The following PLXNA4 variants were observed in gnomAD, a reference collection of about 807,000 sequenced individuals.
PLXNA4 encodes plexin-A4.
PLXNA4 carries 44 observed loss-of-function variants against 191.8 expected under a neutral mutation model. The ratio of observed to expected loss-of-function variants is 0.23; its 90% CI spans 0.18 to 0.29. The LOEUF (loss-of-function observed/expected upper bound fraction) is 0.29. PLXNA4 is among the 10% of genes least tolerant of loss of function. The probability of loss-of-function intolerance (pLI) is 1.00; values close to 1 mark genes in which losing one functional copy is unlikely to be tolerated. For synonymous variants in PLXNA4, 1,082 were observed against 1,009.5 expected (o/e 1.07, Z -1.36); for missense variants, 1,800 against 2,488.8 (o/e 0.72, Z 5.89).
At chr7:132,166,648 C>G (rs902753770) in intron 22 of PLXNA4, among the ~76,000 whole-genome samples, 3 of 151,100 alleles carry the variant, frequency 2.0e-5, no homozygotes, top group Non-Finnish European at 1.5e-5. Context: ...CAGCCGGGGG[C>G]AAGAAGAAGA....
Position 132,203,430 on chromosome 7 carries a change from G to A in PLXNA4, c.2299-11C>T. ...CCCTTCATAGGAATACTGCAGCCAG[G>A]TCGGGGAGGAGGAAAGAAGAAAGTG... On this transcript the variant is annotated splice_polypyrimidine_tract_variant and intron_variant, in intron 10 of 31. Transcript: ENST00000321063. 2.5e-6 allele frequency: 4 copies of A among 1,612,770 alleles called. No homozygotes were observed. The highest frequency in any genetic ancestry group is 3.4e-6 in the Non-Finnish European group (4 of 1,178,752).
intron 3 of PLXNA4, among the ~76,000 whole-genome samples, chr7:132,304,747 T>C (rs1801442929): frequency 6.6e-6 from 1 of 152,144 alleles, no homozygotes; most frequent in Non-Finnish European, 1.5e-5. Flanking sequence ...CCCGGAGGCA[T>C]GCTCCATTGA....
At chr7:132,367,495 G>A (rs1160124032) in intron 3 of PLXNA4, 2 of 152,180 alleles carry the variant, frequency 1.3e-5, no homozygotes. Context: ...AGAAAGGGGG[G>A]GTGAAGGTAT....
chr7:132,177,082 CATGAGTGTATGTCA>C (rs999040180), intron 20 of PLXNA4, among the ~76,000 whole-genome samples: 12 of 150,910 alleles, frequency 8.0e-5, no homozygotes, highest in Non-Finnish European at 1.5e-4. Context: ...CGTGTGAGCA[CATGAGTGTATGTCA>C]GTGAGTGTAT....
chr7:132,134,752 C>T (rs78142619), intron 30 of PLXNA4, among the ~76,000 whole-genome samples: 4,376 of 152,258 alleles, frequency 0.029, 90 homozygotes, highest in East Asian at 0.06. Flanking sequence ...TCAGACAGGC[C>T]GCCCTGCCCC....
intron 2 of PLXNA4, among the ~76,000 whole-genome samples, chr7:132,638,978 C>A (rs1359698509): frequency 6.6e-6 from 1 of 152,164 alleles, no homozygotes; most frequent in Non-Finnish European, 1.5e-5. Flanking sequence ...AGGAATTACA[C>A]CCACGTGTCC....
At position 132,627,139 on chromosome 7, in the gene PLXNA4, A is replaced by G. The variant is rs112813664; in HGVS notation, c.-87+18789T>C. Among the ~76,000 whole-genome samples the G allele has an allele frequency of 3.5e-3, 537 of 152,330 alleles. 2 individuals are homozygous for G. The highest frequency in any genetic ancestry group is 0.023 in the South Asian group (111 of 4,824). ...GAAGTACTACAGTTTATGAAACCAT[A>G]TATAACTCATGGCTCATAAAGAAGA... On this transcript the variant is annotated intron_variant, in intron 2 of 4. Coordinates refer to the PLXNA4 transcript ENST00000378539.
At chr7:132,580,812 C>G (rs1021003799), upstream of PLXNA4, among the ~76,000 whole-genome samples, 1 of 152,216 alleles carries the variant, frequency 6.6e-6, no homozygotes, top group African/African-American at 2.4e-5. Flanking sequence ...CCCCCAAGAG[C>G]TGCCCCCATG....
Position 132,185,349 on chromosome 7 carries a change from A to G in PLXNA4, c.3108T>C (p.Tyr1036=), listed in dbSNP as rs3734980. 0.023 allele frequency: 37,854 copies of G among 1,613,976 alleles called. 3,173 individuals carry two copies. The highest frequency in any genetic ancestry group is 0.2 in the Admixed American group (11,765 of 60,008). The change falls in exon 16 of 32, where the codon TAT becomes TAC. Residue 1036 remains tyrosine (Y), a synonymous_variant. Transcript: ENST00000321063. ...AKIHQDLVFQ[Y]VEDPTIVRIE... ...TCCGCACGATGGTGGGGTCTTCCAC[A>G]TACTGAAAGACCAGGTCCTGGTGGA...
At chr7:132,288,041 T>G in intron 4 of PLXNA4, among the ~76,000 whole-genome samples, 1 of 152,138 alleles carries the variant, frequency 6.6e-6, no homozygotes, top group East Asian at 1.9e-4. Context: ...TAGTATCTCT[T>G]GCTCTCACAG....
chr7:132,439,609 A>T (rs975770840), intron 3 of PLXNA4, among the ~76,000 whole-genome samples: 5 of 152,104 alleles, frequency 3.3e-5, no homozygotes, highest in African/African-American at 1.2e-4. Context: ...AAGGAGGGGC[A>T]TTTTCTGCTG....
At chr7:132,172,758 T>TATAATAATAATAATA (rs10651247) in intron 21 of PLXNA4, among the ~76,000 whole-genome samples, 1,989 of 149,002 alleles carry the variant, frequency 0.013, 19 homozygotes, top group African/African-American at 0.022. Context: ...AAACTTAAAG[T>TATAATAATAATAATA]ATAATAATAA....
intron 3 of PLXNA4, among the ~76,000 whole-genome samples, chr7:132,397,140 A>G (rs138340359): frequency 6.6e-6 from 1 of 152,362 alleles, no homozygotes; most frequent in East Asian, 1.9e-4. Flanking sequence ...AATTTTACAA[A>G]TACTAGAAGA....
chr7:132,374,929 T>C (rs1339786981), intron 3 of PLXNA4, among the ~76,000 whole-genome samples: 1 of 152,164 alleles, frequency 6.6e-6, no homozygotes, highest in Non-Finnish European at 1.5e-5. Context: ...TGGGACAAGC[T>C]CTCTGTGTGT....
At chr7:132,243,363 C>G (rs1309927347) in intron 4 of PLXNA4, among the ~76,000 whole-genome samples, 2 of 152,184 alleles carry the variant, frequency 1.3e-5, no homozygotes, top group African/African-American at 4.8e-5. Flanking sequence ...AATTACCATC[C>G]TCCTCAGTTT....
intron 4 of PLXNA4, among the ~76,000 whole-genome samples, chr7:132,273,752 C>T (rs1205533222): frequency 6.6e-6 from 1 of 152,036 alleles, no homozygotes; most frequent in Non-Finnish European, 1.5e-5. Context: ...AACACCAGCT[C>T]TCATCTATCT....
At chr7:132,133,564 G>T (rs1488646095) in intron 30 of PLXNA4, among the ~76,000 whole-genome samples, 7 of 152,034 alleles carry the variant, frequency 4.6e-5, no homozygotes, top group African/African-American at 1.7e-4. Context: ...TCCCACAGAC[G>T]CAAGGGATCT....
intron 3 of PLXNA4, among the ~76,000 whole-genome samples, chr7:132,436,519 AAC>A (rs1795475185): frequency 6.6e-6 from 1 of 152,220 alleles, no homozygotes; most frequent in African/African-American, 2.4e-5. Context: ...TGCAAATGGA[AAC>A]ACAGCAGAAG....
chr7:132,168,659 G>C, intron 21 of PLXNA4, 87 bp from the exon 22 acceptor site: 1 of 1,467,472 alleles, frequency 6.8e-7, no homozygotes, highest in African/African-American at 1.4e-5. Flanking sequence ...CCATATCCAT[G>C]ACCCTCTCAT....
Sources: gnomAD v4.1 joint callset for allele counts (sites outside exome capture counted in the v4.1 genomes callset) on GRCh38, gnomAD v4.1.1 for gene constraint, MANE v1.5 for transcripts, NCBI Gene and HGNC (gene_info 2026-07-23, HGNC 2026-07-21) for gene names.